Variants in API5 observed in about 807,000 individuals in gnomAD.
API5 encodes the protein apoptosis inhibitor 5, also known as FIF.
Under a neutral mutation model 71.9 loss-of-function variants are expected in API5, and 6 were observed. The observed-to-expected ratio is 0.08, with a 90% CI of 0.05 to 0.16. API5 has a LOEUF of 0.16. Among genes scored for constraint, API5 ranks in the 10% least tolerant of loss-of-function variants. The pLI, the probability that API5 is intolerant of heterozygous loss-of-function variation, is 1.00. For synonymous variants in API5, 189 were observed against 221.3 expected, an observed-to-expected ratio of 0.85 and a Z score of 1.30; for missense variants, 332 against 612.8, an observed-to-expected ratio of 0.54 and a Z score of 4.84.
chr11:43,333,464 A>G (rs1855325402), intron 11 of API5, among the ~76,000 whole-genome samples: 1 of 152,216 alleles, frequency 6.6e-6, no homozygotes, highest in Non-Finnish European at 1.5e-5. Context: ...TGATACAGGC[A>G]TAAACTGAGG....
At chr11:43,338,647 G>GGA (rs1565113867) in intron 13 of API5, among the ~76,000 whole-genome samples, 1 of 22,160 alleles carries the variant, frequency 4.5e-5, no homozygotes, top group Non-Finnish European at 1.9e-4. Flanking sequence ...TCAATTGGAG[G>GGA]TAAAAAAAAA....
At chr11:43,324,589 C>CA (rs888647879) in intron 6 of API5, among the ~76,000 whole-genome samples, 16 of 151,644 alleles carry the variant, frequency 1.1e-4, no homozygotes, top group Admixed American at 5.3e-4. Context: ...CTTGTCTCTA[C>CA]AAAAAAAATT....
chr11:43,323,771 A>G (rs1854974325), intron 6 of API5, 135 bp downstream of exon 6: 1 of 859,598 alleles, frequency 1.2e-6, no homozygotes, highest in East Asian at 2.6e-5. Context: ...AAGTGTATTC[A>G]GATTTTTGAA....
intron 4 of API5, among the ~76,000 whole-genome samples, 191 bp from the exon 5 acceptor site, chr11:43,321,794 A>G (rs185691735): frequency 7.9e-5 from 12 of 152,330 alleles, no homozygotes; most frequent in African/African-American, 1.7e-4. Flanking sequence ...TAAGCTGACT[A>G]TGTCTTCATG....
chr11:43,335,419 T>C, intron 12 of API5, 65 bp downstream of exon 12: 1 of 947,568 alleles, frequency 1.1e-6, no homozygotes, highest in Non-Finnish European at 1.7e-6. Flanking sequence ...CATTTACTGT[T>C]CAAAAGGGTG....
At chr11:43,321,834 G>A (rs1854902243) in intron 4 of API5, 151 bp from the exon 5 acceptor site, 1 of 748,498 alleles carries the variant, frequency 1.3e-6, no homozygotes, top group African/African-American at 1.8e-5. Context: ...TCAGGCTGTA[G>A]AAATTTCAGA....
intron 13 of API5, among the ~76,000 whole-genome samples, chr11:43,338,985 C>G (rs748581061): frequency 1.8e-4 from 27 of 152,292 alleles, no homozygotes; most frequent in Non-Finnish European, 2.9e-4. Flanking sequence ...CCCATAGTTA[C>G]TGCATCTGTC....
At chr11:43,324,736 G>A (rs1023445603) in intron 6 of API5, among the ~76,000 whole-genome samples, 1 of 152,074 alleles carries the variant, frequency 6.6e-6, no homozygotes, top group African/African-American at 2.4e-5. Context: ...GGAGTGCAGT[G>A]GCATGATCTT....
intron 13 of API5, among the ~76,000 whole-genome samples, chr11:43,338,648 T>TTAA (rs748752244): frequency 4.1e-5 from 4 of 96,990 alleles, no homozygotes; most frequent in Non-Finnish European, 5.8e-5. Flanking sequence ...CAATTGGAGG[T>TTAA]AAAAAAAAAA....
Position 43,312,022 on chromosome 11 carries a change from C to A in API5, c.-106C>A, listed in dbSNP as rs922883891. On this transcript the variant is annotated 5_prime_UTR_variant, in exon 1 of 14. It adds an upstream start codon to the 5' untranslated region. Coordinates refer to ENST00000531273, the MANE Select transcript of API5 (RefSeq NM_001142930.2). ...TGACTGGCGGCTGCACTGGCGGCAG[C>A]TGGAGGTGTAATAGTGCGGGTAGTG... 1.6e-6 allele frequency: 2 copies of A among 1,271,894 alleles called. No homozygotes were observed. The highest frequency in any genetic ancestry group is 2.2e-6 in the Non-Finnish European group (2 of 904,374). The allele number at this position is 1,271,894 out of a possible 1,614,324, so 78.8% of individuals were successfully genotyped here. A position where few individuals can be genotyped will look rare whatever the true frequency, so the allele number is the denominator to read the frequency against.
intron 6 of API5, 152 bp from the exon 7 acceptor site, chr11:43,326,355 A>T: frequency 4.2e-6 from 2 of 474,472 alleles, no homozygotes; most frequent in Non-Finnish European, 7.5e-6. Flanking sequence ...TATTGAGGTT[A>T]TATCTGGGGC....
chr11:43,339,598 G>A (rs1855546311), intron 13 of API5, among the ~76,000 whole-genome samples: 1 of 152,088 alleles, frequency 6.6e-6, no homozygotes, highest in South Asian at 2.1e-4. Context: ...TGATTTTTCA[G>A]CAAAAGATAT....
At chr11:43,342,317 T>C in intron 13 of API5, 111 bp from the exon 14 acceptor site, 1 of 856,698 alleles carries the variant, frequency 1.2e-6, no homozygotes, top group Non-Finnish European at 1.8e-6. Context: ...ATATTAGTTC[T>C]GTTCTTATAG....
intron 1 of API5, 124 bp downstream of exon 1, chr11:43,312,320 C>T (rs768030033): frequency 2.9e-6 from 3 of 1,033,444 alleles, no homozygotes; most frequent in African/African-American, 1.6e-5. Flanking sequence ...CTCCTAGCCT[C>T]CTCAGGCCGT....
At chr11:43,322,210 ATGTTAT>A in intron 5 of API5, 74 bp downstream of exon 5, 1 of 1,395,998 alleles carries the variant, frequency 7.2e-7, no homozygotes, top group Non-Finnish European at 9.6e-7. Context: ...GTATTCGTCA[ATGTTAT>A]GTGTGGCTTG....
At chr11:43,331,592 G>C (rs948106263) in intron 11 of API5, among the ~76,000 whole-genome samples, 3 of 152,144 alleles carry the variant, frequency 2.0e-5, no homozygotes, top group Non-Finnish European at 4.4e-5. Flanking sequence ...GGAGGGGTTG[G>C]TCTTGTCTCA....
At chr11:43,338,647 GTA>G (rs1491095290) in intron 13 of API5, among the ~76,000 whole-genome samples, 23 of 22,188 alleles carry the variant, frequency 1.0e-3, no homozygotes, top group African/African-American at 1.6e-3. Flanking sequence ...TCAATTGGAG[GTA>G]AAAAAAAAAA....
At chr11:43,327,028 A>G (rs895951389) in intron 7 of API5, among the ~76,000 whole-genome samples, 2 of 152,234 alleles carry the variant, frequency 1.3e-5, no homozygotes, top group Non-Finnish European at 2.9e-5. Flanking sequence ...CAGCATCTGT[A>G]ATACTTTACA....
At chr11:43,321,664 A>T (rs1228231918) in intron 4 of API5, among the ~76,000 whole-genome samples, 188 bp downstream of exon 4, 1 of 152,232 alleles carries the variant, frequency 6.6e-6, no homozygotes, top group Non-Finnish European at 1.5e-5. Context: ...ATAACTGCAA[A>T]AACAGATCAC....
Sources: allele counts gnomAD v4.1 joint callset (sites outside exome capture counted in the v4.1 genomes callset), GRCh38; gene constraint gnomAD v4.1.1; transcripts MANE v1.5; gene names NCBI Gene and HGNC (gene_info 2026-07-23, HGNC 2026-07-21).